CNTNAP2: variants seen among roughly 807,000 people sequenced by gnomAD.
CNTNAP2 encodes the protein contactin-associated protein-like 2.
CNTNAP2 carries 98 observed loss-of-function variants against 155.2 expected under a neutral mutation model. The observed-to-expected ratio is 0.63, with a 90% confidence interval of 0.54 to 0.75. The LOEUF is 0.75. Ranked by LOEUF, CNTNAP2 falls within the 30% of genes least tolerant of loss-of-function variation. The pLI is 0.00. For synonymous variants in CNTNAP2, 651 were observed against 631.2 expected (o/e 1.03, Z -0.47); for missense variants, 1,727 against 1,688.1 (o/e 1.02, Z -0.40).
chr7:146,655,484 C>T (rs10277654), intron 1 of CNTNAP2, among the ~76,000 whole-genome samples: 70,748 of 149,634 alleles, frequency 0.47, 17,487 homozygotes, highest in South Asian at 0.58. Flanking sequence ...TGCCTGAAAT[C>T]ATGCCTTGTT....
intron 13 of CNTNAP2, among the ~76,000 whole-genome samples, chr7:147,752,930 T>G (rs1797160141): frequency 6.6e-6 from 1 of 152,204 alleles, no homozygotes; most frequent in Non-Finnish European, 1.5e-5. Context: ...TAGAGCAGAA[T>G]TCACTGCATT....
chr7:146,812,166 G>C (rs1265942176), intron 2 of CNTNAP2, among the ~76,000 whole-genome samples: 1 of 152,072 alleles, frequency 6.6e-6, no homozygotes, highest in Non-Finnish European at 1.5e-5. Context: ...AAGAAGACAG[G>C]AAAATGTGGG....
chr7:147,548,707 A>G (rs918610136), intron 11 of CNTNAP2, among the ~76,000 whole-genome samples: 2 of 152,012 alleles, frequency 1.3e-5, no homozygotes, highest in South Asian at 2.1e-4. Context: ...ATGGTATTGC[A>G]TAGGTTTTCT....
intron 20 of CNTNAP2, 23 bp from the exon 21 acceptor site, chr7:148,267,010 T>A: frequency 6.2e-7 from 1 of 1,605,052 alleles, no homozygotes; most frequent in South Asian, 1.1e-5. Context: ...CTTCTAAAAG[T>A]GTCTCTTGTT....
chr7:146,944,748 G>A (rs2129226420), intron 3 of CNTNAP2, among the ~76,000 whole-genome samples: 1 of 152,046 alleles, frequency 6.6e-6, no homozygotes, highest in East Asian at 1.9e-4. Context: ...CGTGGTGGAG[G>A]GCGCCTGTAG....
At chr7:147,714,578 T>G (rs763416184) in intron 13 of CNTNAP2, among the ~76,000 whole-genome samples, 9 of 151,962 alleles carry the variant, frequency 5.9e-5, no homozygotes, top group Non-Finnish European at 8.8e-5. Flanking sequence ...TTTTTTTGAG[T>G]GAATAAGATT....
intron 1 of CNTNAP2, among the ~76,000 whole-genome samples, chr7:146,709,058 C>A (rs982388882): frequency 1.3e-5 from 2 of 152,124 alleles, no homozygotes; most frequent in African/African-American, 4.8e-5. Flanking sequence ...AAGTCAACCA[C>A]AGTTAGAAAC....
intron 14 of CNTNAP2, among the ~76,000 whole-genome samples, chr7:147,959,396 G>A (rs1181456264): frequency 6.6e-6 from 1 of 152,102 alleles, no homozygotes; most frequent in African/African-American, 2.4e-5. Flanking sequence ...TGCAAGGCAA[G>A]CGAGCCCCAA....
intron 9 of CNTNAP2, among the ~76,000 whole-genome samples, chr7:147,323,529 G>C (rs112584255): frequency 0.48 from 71,386 of 147,970 alleles, 18,179 homozygotes; most frequent in East Asian, 0.71. Context: ...GTGTGGTGTG[G>C]TGCTGAAAAA....
At chr7:146,658,975 T>G (rs1800039483) in intron 1 of CNTNAP2, among the ~76,000 whole-genome samples, 6 of 152,034 alleles carry the variant, frequency 3.9e-5, no homozygotes, top group Admixed American at 2.6e-4. Flanking sequence ...TGCAGCCACC[T>G]CCCCTGCAGC....
At chr7:148,110,873 T>G (rs1804334448) in intron 15 of CNTNAP2, among the ~76,000 whole-genome samples, 1 of 152,192 alleles carries the variant, frequency 6.6e-6, no homozygotes, top group Non-Finnish European at 1.5e-5. Flanking sequence ...GGAAATTGAC[T>G]TAATAAGGTT....
At position 147,454,854 on chromosome 7, in the gene CNTNAP2, G is replaced by A. The variant is rs913225952; in HGVS notation, c.1671-31081G>A. ...CTGCAACTTTAAGAAAAGAGATCCC[G>A]ACGACCTTTAATAACACTAGGTCTG... is the stretch of plus-strand genomic sequence containing the variant. On this transcript the variant is annotated intron_variant, in intron 10 of 23. Transcript: ENST00000361727. Among the ~76,000 whole-genome samples, 4 of 152,094 alleles carry A rather than the reference G, an allele frequency of 2.6e-5. No homozygotes were observed. In the East Asian group the frequency reaches 7.7e-4, roughly 29 times the overall value.
At chr7:147,033,268 G>A (rs559543967) in intron 3 of CNTNAP2, among the ~76,000 whole-genome samples, 20 of 145,098 alleles carry the variant, frequency 1.4e-4, no homozygotes, top group Admixed American at 4.3e-4. Context: ...TGTATTTTTA[G>A]CATAGTTCAA....
intron 1 of CNTNAP2, among the ~76,000 whole-genome samples, chr7:146,367,932 C>T (rs1176536682): frequency 6.6e-6 from 1 of 152,108 alleles, no homozygotes; most frequent in Non-Finnish European, 1.5e-5. Context: ...ACTCCCTGGC[C>T]AGTGTTCTCT....
intron 10 of CNTNAP2, among the ~76,000 whole-genome samples, chr7:147,471,710 G>A (rs1258442404): frequency 2.0e-5 from 3 of 152,160 alleles, no homozygotes; most frequent in African/African-American, 7.2e-5. Flanking sequence ...CCTACTCAAT[G>A]CCAGACAGTA....
chr7:146,290,773 G>A (rs933968973), intron 1 of CNTNAP2, among the ~76,000 whole-genome samples: 3 of 152,170 alleles, frequency 2.0e-5, no homozygotes, highest in African/African-American at 7.2e-5. Flanking sequence ...AAGTTCAGAC[G>A]AATGAACTGA....
intron 1 of CNTNAP2, among the ~76,000 whole-genome samples, chr7:146,727,388 G>T (rs1801449544): frequency 6.6e-6 from 1 of 152,158 alleles, no homozygotes; most frequent in South Asian, 2.1e-4. Context: ...AAAGTCAGTA[G>T]TTTACTACCA....
At chr7:147,772,231 C>T (rs971550720) in intron 13 of CNTNAP2, among the ~76,000 whole-genome samples, 10 of 151,358 alleles carry the variant, frequency 6.6e-5, no homozygotes, top group African/African-American at 2.4e-4. Context: ...CAAGACCAGC[C>T]TGACCAACAT....
intron 4 of CNTNAP2, among the ~76,000 whole-genome samples, chr7:147,064,544 G>C (rs1352774713): frequency 6.6e-6 from 1 of 152,048 alleles, no homozygotes; most frequent in Non-Finnish European, 1.5e-5. Flanking sequence ...CTTCACAAAA[G>C]GTGAGTGTTG....
Sources: allele counts gnomAD v4.1 joint callset (sites outside exome capture counted in the v4.1 genomes callset), GRCh38; gene constraint gnomAD v4.1.1; transcripts MANE v1.5; gene names NCBI Gene and HGNC (gene_info 2026-07-23, HGNC 2026-07-21).